Variants in ADAMTS5 observed in about 807,000 individuals in gnomAD.
ADAMTS5 encodes the protein ADAM metallopeptidase with thrombospondin type 1 motif 5.
Under a neutral mutation model 81.4 loss-of-function variants are expected in ADAMTS5, and 54 were observed. That is an observed-to-expected ratio of 0.66 (90% CI 0.53 to 0.83). The LOEUF (loss-of-function observed/expected upper bound fraction) is 0.83. Among genes scored for constraint, ADAMTS5 ranks in the 40% least tolerant of loss-of-function variants. The pLI is 0.00. For missense variants in ADAMTS5, 1,194 were observed against 1,229.9 expected (o/e 0.97, Z 0.44); for synonymous variants, 532 against 508.8 (o/e 1.05, Z -0.61).
chr21:26,942,259 A>C (rs1441754740), intron 3 of ADAMTS5, among the ~76,000 whole-genome samples: 2 of 152,104 alleles, frequency 1.3e-5, no homozygotes, highest in African/African-American at 4.8e-5. Flanking sequence ...TTGTTCTGGT[A>C]TTATGTAGCC....
Position 26,920,326 on chromosome 21 carries a change from G to A in ADAMTS5, c.*3727C>T, listed in dbSNP as rs1986666953. 6.6e-6 allele frequency: 1 copy of A among 152,078 alleles called. No individual in the cohort carries two copies. Among genetic ancestry groups the A allele is most frequent in the African/African-American group, 2.4e-5 (1 of 41,434 alleles). The allele number at this position is 152,078 out of a possible 1,614,324, so 9.4% of individuals were successfully genotyped here. ...CAGAGGCAAGCTGATGTCATCAGAG[G>A]TGACTCTGCCTATTTCAAGTCCTAT... On this transcript the variant is annotated 3_prime_UTR_variant, in exon 8 of 8. Transcript: ENST00000284987.
chr21:26,963,199 A>T (rs1192636706), intron 1 of ADAMTS5, among the ~76,000 whole-genome samples: 1 of 152,028 alleles, frequency 6.6e-6, no homozygotes, highest in Non-Finnish European at 1.5e-5. Context: ...ACTGACAAAA[A>T]TTAAGATGGA....
At chr21:26,963,391 G>T (rs989738949) in intron 1 of ADAMTS5, among the ~76,000 whole-genome samples, 4 of 151,708 alleles carry the variant, frequency 2.6e-5, no homozygotes, top group Non-Finnish European at 5.9e-5. Context: ...GGAATGTTAT[G>T]GGGCAGGAGG....
intron 4 of ADAMTS5, among the ~76,000 whole-genome samples, chr21:26,933,734 A>T (rs1042966079): frequency 6.6e-6 from 1 of 152,182 alleles, no homozygotes; most frequent in African/African-American, 2.4e-5. Flanking sequence ...GAAGAATATG[A>T]TCAGCTGCTT....
chr21:26,932,239 G>C, intron 5 of ADAMTS5, 60 bp from the exon 6 acceptor site: 1 of 1,541,102 alleles, frequency 6.5e-7, no homozygotes. Flanking sequence ...ATATATTCTT[G>C]TGGGTTTAAA....
At chr21:26,930,637 C>T (rs558488333) in intron 6 of ADAMTS5, among the ~76,000 whole-genome samples, 2 of 152,032 alleles carry the variant, frequency 1.3e-5, no homozygotes, top group African/African-American at 2.4e-5. Context: ...CTGGAAGAGA[C>T]TGAATATATT....
chr21:26,918,172 G>A lies in ADAMTS5; in HGVS notation c.*5881C>T, dbSNP rs1049149332. 3.9e-5 allele frequency: 6 copies of A among 152,524 alleles called. No homozygotes were observed. The highest frequency in any genetic ancestry group is 2.4e-5 in the African/African-American group (1 of 41,544). 9.4% of individuals were successfully genotyped at this position (152,524 alleles called of 1,614,324 possible). On this transcript the variant is annotated 3_prime_UTR_variant, in exon 8 of 8. Coordinates refer to ENST00000284987, the MANE Select transcript of ADAMTS5 (RefSeq NM_007038.5). Reference sequence around the variant, plus strand: ...TTAAGATTTGAAGGTTGCCAAAGCTGAGAGACATTTTAAACAAGACCCGTC... The same window carrying A: ...TTAAGATTTGAAGGTTGCCAAAGCTAAGAGACATTTTAAACAAGACCCGTC...
At position 26,965,556 on chromosome 21, in the gene ADAMTS5, A is replaced by G. The variant is rs781315612; in HGVS notation, c.836T>C (p.Met279Thr). ...VELLLVADAS[M>T]ARLYGRGLQH... ...CAGGCCCCGGCCATACAACCGCGCC[A>G]TGGACGCGTCAGCCACCAGAAGCAG... is the stretch of plus-strand genomic sequence containing the variant. Residue 279 changes from methionine to threonine, a missense_variant, in exon 1 of 8, where the codon ATG becomes ACG. Coordinates refer to ENST00000284987, the MANE Select transcript of ADAMTS5 (RefSeq NM_007038.5). 13 of 1,611,618 alleles carry G rather than the reference A, an allele frequency of 8.1e-6. 1 individual carries two copies. The South Asian group carries it at 9.9e-5, about 12-fold the overall frequency.
intron 7 of ADAMTS5, among the ~76,000 whole-genome samples, chr21:26,926,382 G>T (rs1489862757): frequency 1.3e-5 from 2 of 152,210 alleles, no homozygotes; most frequent in African/African-American, 4.8e-5. Flanking sequence ...AGGCTTAAAA[G>T]CCAGGCTTGG....
chr21:26,963,464 G>T (rs976947001), intron 1 of ADAMTS5, among the ~76,000 whole-genome samples: 1 of 151,236 alleles, frequency 6.6e-6, no homozygotes, highest in African/African-American at 2.4e-5. Flanking sequence ...GTGGATTTGT[G>T]TTTAAAAATG....
intron 7 of ADAMTS5, among the ~76,000 whole-genome samples, chr21:26,926,922 T>C (rs1986815934): frequency 6.6e-6 from 1 of 152,164 alleles, no homozygotes; most frequent in Non-Finnish European, 1.5e-5. Flanking sequence ...AGAATTAGTA[T>C]GATGGTCAGT....
rs144241263 is a variant in ADAMTS5, at chr21:26,960,255, C to T, written c.1104+5033G>A. ...CTGAAACAGCCTGCTCACCCAGGAT[C>T]CAGTCCACTACTTAGACCAGAAGGT... On this transcript the variant is annotated intron_variant, in intron 1 of 7. Transcript: ENST00000284987. 7.2e-5 allele frequency among the ~76,000 whole-genome samples: 11 copies of T among 152,314 alleles called. No homozygotes were observed. The South Asian group carries it at 1.7e-3, about 23-fold the overall frequency.
intron 2 of ADAMTS5, among the ~76,000 whole-genome samples, chr21:26,949,002 TA>T (rs74473252): frequency 0.18 from 26,600 of 151,954 alleles, 2,793 homozygotes; most frequent in East Asian, 0.51. Context: ...TTAAATGATA[TA>T]AAACATGCAA....
At chr21:26,957,095 G>A (rs1987441132) in intron 1 of ADAMTS5, among the ~76,000 whole-genome samples, 2 of 152,172 alleles carry the variant, frequency 1.3e-5, no homozygotes, top group South Asian at 4.1e-4. Context: ...AACAGTTACA[G>A]TTTCAGCCTC....
Position 26,934,518 on chromosome 21 carries a change from C to G in ADAMTS5, c.1637G>C (p.Arg546Thr). 1 of 1,614,190 alleles carries G rather than the reference C, an allele frequency of 6.2e-7. No individual in the cohort carries two copies. The highest frequency in any genetic ancestry group is 1.3e-5 in the African/African-American group (1 of 75,044). The change falls in exon 4 of 8, where the codon AGA becomes ACA. Residue 546 changes from arginine (R) to threonine (T), a missense_variant. Transcript: ENST00000284987. ...AVEGTPCGKG[R>T]ICLQGKCVDK... ...CACACATTTGCCCTGCAGGCAGATTCTCCCCTTTCCACAAGGCGTCCCTTC... is the reference window on the plus strand; with the variant it reads ...CACACATTTGCCCTGCAGGCAGATTGTCCCCTTTCCACAAGGCGTCCCTTC...
rs771947235 is a variant in ADAMTS5 at position 26,965,771 on chromosome 21, G to A, written c.621C>T (p.Ala207=). Residue 207 remains alanine, a synonymous_variant, in exon 1 of 8, where the codon GCC becomes GCT. Transcript: ENST00000284987. Reference sequence around the variant, plus strand: ...GTGTGGACGCGGGGGTTTCGCAGCTGGCGCGCGGCGGCAGGGCCTCGAAGC... The same window carrying A: ...GTGTGGACGCGGGGGTTTCGCAGCTAGCGCGCGGCGGCAGGGCCTCGAAGC... ...GFSFEALPPR[A]SCETPASTPE... 23 of 1,600,834 alleles carry A rather than the reference G, an allele frequency of 1.4e-5. No individual in the cohort carries two copies. The highest frequency in any genetic ancestry group is 1.3e-5 in the Non-Finnish European group (15 of 1,174,144).
Position 26,930,046 on chromosome 21 carries a change from C to T in ADAMTS5, c.2065G>A (p.Glu689Lys), listed in dbSNP as rs757921094. Residue 689 changes from glutamate to lysine, a missense_variant, in exon 7 of 8, where the codon GAA (glutamate) becomes AAA (lysine). Around this residue, in one of 2 missense-constraint regions of ADAMTS5, gnomAD observed 696 missense variants for 817.6 expected, o/e 0.85. Transcript: ENST00000284987. ...ACGGAATTACTGTACAGCCTACATT[C>T]AGTGCCATCGGTCACCTGAATCATG... The part of the protein sequence containing the change: ...VFSPKVTDGT[E>K]CRLYSNSVCV... The T allele has an allele frequency of 1.3e-5, 21 of 1,613,750 alleles. No individual in the cohort carries two copies. The East Asian group carries it at 4.7e-4, about 36-fold the overall frequency.
At chr21:26,959,810 C>A (rs1447832531) in intron 1 of ADAMTS5, among the ~76,000 whole-genome samples, 1 of 152,170 alleles carries the variant, frequency 6.6e-6, no homozygotes, top group Admixed American at 6.5e-5. Flanking sequence ...CTCTATTTCT[C>A]ATTTTTTTCT....
rs1292908225 is a variant in ADAMTS5 at position 26,920,807 on chromosome 21, T to C, written c.*3246A>G. 6.6e-6 allele frequency: 1 copy of C among 152,066 alleles called. No homozygotes were observed. Among genetic ancestry groups the C allele is most frequent in the African/African-American group, 2.4e-5 (1 of 41,428 alleles). 9.4% of individuals were successfully genotyped at this position (152,066 alleles called of 1,614,324 possible). A position where few individuals can be genotyped will look rare whatever the true frequency, so the allele number is the denominator to read the frequency against. ...TTAATGTGATGTAAAAAACCTATTA[T>C]CATAGGCACAAGTAATGAACACTAT... is the stretch of plus-strand genomic sequence containing the variant. On this transcript the variant is annotated 3_prime_UTR_variant, in exon 8 of 8. Coordinates refer to ENST00000284987, the MANE Select transcript of ADAMTS5 (RefSeq NM_007038.5).
Sources: gnomAD v4.1 joint callset for allele counts (sites outside exome capture counted in the v4.1 genomes callset) on GRCh38, gnomAD v4.1.1 for gene constraint, gnomAD v4.1.1 regional missense constraint, MANE v1.5 for transcripts, NCBI Gene and HGNC (gene_info 2026-07-23, HGNC 2026-07-21) for gene names.